The following PLCB1 variants were observed in gnomAD, a reference collection of about 807,000 sequenced individuals.
The protein encoded by PLCB1 is phospholipase C beta 1.
A neutral mutation model predicts 161.8 loss-of-function variants in PLCB1; 46 were observed. The ratio of observed to expected loss-of-function variants is 0.28; its 90% confidence interval spans 0.22 to 0.36. The LOEUF (loss-of-function observed/expected upper bound fraction) is 0.36, where lower values mean the gene tolerates loss of function less well. Among genes scored for constraint, PLCB1 ranks in the 10% least tolerant of loss-of-function variants. The pLI is 1.00. For synonymous variants in PLCB1, 517 were observed against 503.7 expected (o/e 1.03, Z -0.35); for missense variants, 1,016 against 1,472.5 (o/e 0.69, Z 5.07).
chr20:8,698,357 A>G (rs1424188568), intron 11 of PLCB1, among the ~76,000 whole-genome samples: 4 of 152,304 alleles, frequency 2.6e-5, no homozygotes, highest in Admixed American at 2.6e-4. Context: ...TTCACTTGTA[A>G]ATTGATTCAC....
chr20:8,617,292 A>G (rs946899851), intron 3 of PLCB1, among the ~76,000 whole-genome samples: 1 of 152,212 alleles, frequency 6.6e-6, no homozygotes, highest in African/African-American at 2.4e-5. Flanking sequence ...AATAATTTAA[A>G]CTTAAAGCTA....
At chr20:8,615,780 C>A (rs542325792) in intron 3 of PLCB1, among the ~76,000 whole-genome samples, 17 of 152,144 alleles carry the variant, frequency 1.1e-4, no homozygotes, top group African/African-American at 4.1e-4. Context: ...AACTTCTCTC[C>A]GGAATAAAAC....
chr20:8,136,561 G>A (rs2051351189), intron 1 of PLCB1, among the ~76,000 whole-genome samples: 1 of 151,504 alleles, frequency 6.6e-6, no homozygotes, highest in Non-Finnish European at 1.5e-5. Flanking sequence ...GGGAGGCGGA[G>A]CTTGCAGTGA....
intron 3 of PLCB1, among the ~76,000 whole-genome samples, chr20:8,429,102 G>A (rs557041717): frequency 2.0e-4 from 30 of 152,256 alleles, no homozygotes; most frequent in Non-Finnish European, 4.0e-4. Context: ...TTACTTGCTT[G>A]TATCTTACCC....
intron 3 of PLCB1, among the ~76,000 whole-genome samples, chr20:8,517,680 C>G (rs1380504932): frequency 2.6e-5 from 4 of 152,160 alleles, no homozygotes; most frequent in Non-Finnish European, 5.9e-5. Flanking sequence ...TAGGATGGGA[C>G]CGGGGCTCAG....
intron 3 of PLCB1, among the ~76,000 whole-genome samples, chr20:8,455,055 G>A (rs775525739): frequency 7.6e-4 from 112 of 146,822 alleles, no homozygotes; most frequent in Non-Finnish European, 1.4e-3. Context: ...CTAGTTGGCC[G>A]GGCATGGTGG....
rs1989164421 is a variant in PLCB1, at chr20:8,646,148, A to T, written c.431A>T (p.Gln144Leu). 1.2e-6 allele frequency: 2 copies of T among 1,613,462 alleles called. No homozygotes were observed. ...VFSLATNLLA[Q>L]NMSRDAFLEK... is the part of the protein sequence containing the mutation. ...AGTTTGGCAACAAACCTGCTGGCCC[A>T]AAACATGTCCAGGGATGCATTTCTG... The change falls in exon 5 of 32, where the codon CAA (glutamine) becomes CTA (leucine). Residue 144 changes from glutamine (Q) to leucine (L), a missense_variant. Physicochemically the swap from Gln to Leu is moderately radical, Grantham distance 113. This residue lies in a region of PLCB1 where 181 missense variants were observed against 236.7 expected (regional missense o/e 0.76). Transcript: ENST00000338037.
At chr20:8,639,352 T>C (rs1988868853) in intron 4 of PLCB1, among the ~76,000 whole-genome samples, 2 of 152,218 alleles carry the variant, frequency 1.3e-5, no homozygotes, top group Non-Finnish European at 2.9e-5. Context: ...TAGGGCCCTT[T>C]CCTCATTGTT....
chr20:8,552,473 T>A (rs1320280326), intron 3 of PLCB1, among the ~76,000 whole-genome samples: 3 of 152,196 alleles, frequency 2.0e-5, no homozygotes, highest in Non-Finnish European at 2.9e-5. Flanking sequence ...CAATACTTGA[T>A]GATGAACTTC....
intron 3 of PLCB1, among the ~76,000 whole-genome samples, chr20:8,377,873 G>A (rs1326566821): frequency 6.6e-6 from 1 of 152,144 alleles, no homozygotes; most frequent in Admixed American, 6.5e-5. Flanking sequence ...ACACAAGTCT[G>A]GGGTTCAGGG....
chr20:8,161,544 C>T (rs2051623333), intron 2 of PLCB1, among the ~76,000 whole-genome samples: 2 of 152,144 alleles, frequency 1.3e-5, no homozygotes, highest in Non-Finnish European at 2.9e-5. Flanking sequence ...TTTAAAGAAC[C>T]TGTTTAATAT....
At position 8,835,628 on chromosome 20, in the gene PLCB1, G is replaced by A. The variant is rs1314219740; in HGVS notation, c.3423+45367G>A. On this transcript the variant is annotated intron_variant, in intron 31 of 31. Coordinates refer to ENST00000338037, the MANE Select transcript of PLCB1 (RefSeq NM_015192.4). ...ATTCATTTGTGGACTCTTGAGTAGG[G>A]CTGTCTGTCTATAATGACAATGCAT... Among the ~76,000 whole-genome samples the A allele has an allele frequency of 2.0e-5, 3 of 152,018 alleles. No individual in the cohort carries two copies. In the East Asian group the frequency reaches 5.8e-4, roughly 30 times the overall value.
chr20:8,392,817 G>T (rs571927705), intron 3 of PLCB1, among the ~76,000 whole-genome samples: 2 of 152,288 alleles, frequency 1.3e-5, no homozygotes, highest in Non-Finnish European at 2.9e-5. Flanking sequence ...ATAAAAAAGT[G>T]AAATCCTATA....
chr20:8,650,086 TA>T (rs780067141), intron 7 of PLCB1: 5 of 152,168 alleles, frequency 3.3e-5, no homozygotes, highest in Non-Finnish European at 7.4e-5. Context: ...GTAATATTTT[TA>T]AAATAGTCAA....
intron 2 of PLCB1, among the ~76,000 whole-genome samples, chr20:8,165,564 T>C (rs1344094901): frequency 6.6e-6 from 1 of 152,204 alleles, no homozygotes; most frequent in Non-Finnish European, 1.5e-5. Context: ...CTTTTTCCTT[T>C]CCCAGTGGAT....
chr20:8,218,034 A>C (rs1214658026), intron 2 of PLCB1, among the ~76,000 whole-genome samples: 1 of 152,156 alleles, frequency 6.6e-6, no homozygotes, highest in Non-Finnish European at 1.5e-5. Context: ...TTATTATAGC[A>C]ACCACAACAT....
chr20:8,341,545 A>T (rs1419977108), intron 2 of PLCB1, among the ~76,000 whole-genome samples: 1 of 152,054 alleles, frequency 6.6e-6, no homozygotes, highest in Non-Finnish European at 1.5e-5. Flanking sequence ...TCAGATCTTC[A>T]TGGGGATGTT....
At chr20:8,818,664 AAAGTT>A (rs1183325793) in intron 31 of PLCB1, among the ~76,000 whole-genome samples, 1 of 152,212 alleles carries the variant, frequency 6.6e-6, no homozygotes, top group Non-Finnish European at 1.5e-5. Flanking sequence ...CATAACAAGT[AAAGTT>A]ATTATTGGGT....
chr20:8,524,629 C>G (rs1312670153), intron 3 of PLCB1, among the ~76,000 whole-genome samples: 1 of 152,116 alleles, frequency 6.6e-6, no homozygotes, highest in African/African-American at 2.4e-5. Context: ...TTAAACGGAG[C>G]AGATGAGGCA....
Sources: gnomAD v4.1 joint callset for allele counts (sites outside exome capture counted in the v4.1 genomes callset) on GRCh38, gnomAD v4.1.1 for gene constraint, gnomAD v4.1.1 regional missense constraint, MANE v1.5 for transcripts, NCBI Gene and HGNC (gene_info 2026-07-23, HGNC 2026-07-21) for gene names.